Variants in MYO1D observed in about 807,000 individuals in gnomAD.
The protein encoded by MYO1D is unconventional myosin-Id.
A neutral mutation model predicts 122.0 loss-of-function variants in MYO1D; 83 were observed. That is an observed-to-expected ratio of 0.68 (90% CI 0.57 to 0.82). The LOEUF (loss-of-function observed/expected upper bound fraction) is 0.82. MYO1D is among the 40% of genes least tolerant of loss of function. The probability of loss-of-function intolerance (pLI) is 0.00; values close to 1 mark genes in which losing one functional copy is unlikely to be tolerated. For synonymous variants in MYO1D, 464 were observed against 446.9 expected (o/e 1.04, Z -0.48); for missense variants, 1,157 against 1,269.5 (o/e 0.91, Z 1.35).
chr17:32,764,359 C>T (rs548009305), intron 8 of MYO1D, among the ~76,000 whole-genome samples: 5 of 152,220 alleles, frequency 3.3e-5, no homozygotes, highest in African/African-American at 7.2e-5. Flanking sequence ...CACTGCAAAG[C>T]GTGGTGACTG....
intron 21 of MYO1D, among the ~76,000 whole-genome samples, chr17:32,566,014 C>T (rs533076693): frequency 3.3e-5 from 5 of 152,150 alleles, no homozygotes; most frequent in African/African-American, 4.8e-5. Flanking sequence ...TGTGAGCCAC[C>T]GCACCCGGCC....
intron 2 of MYO1D, among the ~76,000 whole-genome samples, chr17:32,778,943 T>C (rs1413248777): frequency 6.6e-6 from 1 of 152,188 alleles, no homozygotes; most frequent in East Asian, 1.9e-4. Context: ...TGGTTACAAC[T>C]AAATTCATAT....
At chr17:32,821,539 C>CAT (rs754189766) in intron 1 of MYO1D, among the ~76,000 whole-genome samples, 1 of 145,696 alleles carries the variant, frequency 6.9e-6, no homozygotes, top group Non-Finnish European at 1.5e-5. Context: ...GTAAATCACA[C>CAT]ATACACACAC....
chr17:32,622,984 T>G (rs758545788), intron 20 of MYO1D, among the ~76,000 whole-genome samples: 9 of 152,216 alleles, frequency 5.9e-5, no homozygotes, highest in Non-Finnish European at 8.8e-5. Context: ...CCATTTATGG[T>G]GTAATGATCT....
intron 20 of MYO1D, among the ~76,000 whole-genome samples, chr17:32,630,005 A>G (rs1242871371): frequency 6.6e-6 from 1 of 152,248 alleles, no homozygotes; most frequent in East Asian, 1.9e-4. Flanking sequence ...GAATTTAAAG[A>G]TAAGCGATGG....
intron 15 of MYO1D, among the ~76,000 whole-genome samples, chr17:32,715,801 CTTTCCTACCTCAA>C (rs1457168742): frequency 2.0e-5 from 3 of 152,062 alleles, no homozygotes; most frequent in Admixed American, 1.3e-4. Context: ...CTCCTTCAGT[CTTTCCTACCTCAA>C]TCTACCCAGT....
intron 21 of MYO1D, among the ~76,000 whole-genome samples, chr17:32,574,395 T>C (rs1361655989): frequency 6.6e-6 from 1 of 152,174 alleles, no homozygotes; most frequent in African/African-American, 2.4e-5. Context: ...GTCTGAATTA[T>C]AGTATGTTGA....
chr17:32,808,009 T>A (rs2430986), intron 1 of MYO1D, among the ~76,000 whole-genome samples: 1 of 151,988 alleles, frequency 6.6e-6, no homozygotes, highest in African/African-American at 2.4e-5. Flanking sequence ...ATTGTTACTA[T>A]AAACAATGTT....
chr17:32,730,963 G>A (rs1447333725), intron 14 of MYO1D, among the ~76,000 whole-genome samples: 1 of 147,090 alleles, frequency 6.8e-6, no homozygotes, highest in Non-Finnish European at 1.5e-5. Flanking sequence ...CGGGAGTGCA[G>A]TGGCACAATT....
intron 21 of MYO1D, among the ~76,000 whole-genome samples, chr17:32,532,680 T>C (rs916117032): frequency 4.8e-5 from 7 of 145,142 alleles, no homozygotes; most frequent in Admixed American, 1.4e-4. Context: ...AAGCCGAGAT[T>C]GCCACTGCAC....
At chr17:32,722,631 T>C (rs1217203423) in intron 14 of MYO1D, among the ~76,000 whole-genome samples, 1 of 152,228 alleles carries the variant, frequency 6.6e-6, no homozygotes, top group East Asian at 1.9e-4. Flanking sequence ...AGCCCATTTA[T>C]TAGTAGCCTT....
chr17:32,755,689 C>G, intron 10 of MYO1D, 27 bp from the exon 11 acceptor site: 1 of 1,597,642 alleles, frequency 6.3e-7, no homozygotes, highest in Non-Finnish European at 8.6e-7. Flanking sequence ...GGAGGGAATT[C>G]TGAAGAGAAC....
chr17:32,704,019 A>G (rs985128895), intron 16 of MYO1D, among the ~76,000 whole-genome samples: 1 of 152,224 alleles, frequency 6.6e-6, no homozygotes, highest in Non-Finnish European at 1.5e-5. Context: ...ATCACTGTAT[A>G]CTTCAACTCA....
intron 14 of MYO1D, among the ~76,000 whole-genome samples, chr17:32,721,425 T>C (rs1264460528): frequency 6.6e-6 from 1 of 152,118 alleles, no homozygotes; most frequent in African/African-American, 2.4e-5. Flanking sequence ...TTAGGAATAG[T>C]AGAAAAGGGA....
intron 4 of MYO1D, among the ~76,000 whole-genome samples, chr17:32,773,488 C>T (rs1048430818): frequency 2.8e-5 from 4 of 144,132 alleles, no homozygotes; most frequent in African/African-American, 7.4e-5. Context: ...GTGGCAAGCA[C>T]CACTTTCCTG....
chr17:32,667,087 G>A (rs2088647301), intron 16 of MYO1D, among the ~76,000 whole-genome samples: 1 of 152,202 alleles, frequency 6.6e-6, no homozygotes, highest in Non-Finnish European at 1.5e-5. Flanking sequence ...TGGTAGAGGA[G>A]GGTTTATTTA....
At chr17:32,711,759 T>C (rs992179671) in intron 16 of MYO1D, among the ~76,000 whole-genome samples, 4 of 152,138 alleles carry the variant, frequency 2.6e-5, no homozygotes, top group African/African-American at 9.6e-5. Context: ...ACAAAATATC[T>C]TCAGAGTTTT....
chr17:32,691,447 C>T (rs1045723969), intron 16 of MYO1D, among the ~76,000 whole-genome samples: 2 of 146,558 alleles, frequency 1.4e-5, no homozygotes, highest in South Asian at 4.3e-4. Context: ...TACTCTGTCG[C>T]CCAGGCTGGA....
intron 21 of MYO1D, among the ~76,000 whole-genome samples, chr17:32,564,185 C>G (rs1327146916): frequency 6.6e-6 from 1 of 152,206 alleles, no homozygotes; most frequent in Non-Finnish European, 1.5e-5. Flanking sequence ...GTAAGCAGAG[C>G]CCAGGCTAAC....
Sources: gnomAD v4.1 joint callset for allele counts (sites outside exome capture counted in the v4.1 genomes callset) on GRCh38, gnomAD v4.1.1 for gene constraint, MANE v1.5 for transcripts, NCBI Gene and HGNC (gene_info 2026-07-23, HGNC 2026-07-21) for gene names.